TASP1: variants seen among roughly 807,000 people sequenced by gnomAD.
The protein encoded by TASP1 is taspase 1.
Under a neutral mutation model 56.6 loss-of-function variants are expected in TASP1, and 16 were observed. That is an observed-to-expected ratio of 0.28 (90% confidence interval 0.19 to 0.43). The LOEUF is 0.43. TASP1 is among the 20% of genes least tolerant of loss of function. The pLI is 1.00. For synonymous variants in TASP1, 179 were observed against 184.2 expected (o/e 0.97, Z 0.23); for missense variants, 393 against 511.6 (o/e 0.77, Z 2.24).
chr20:13,299,154 A>G, the TASP1 span: 5 of 1,610,958 alleles, frequency 3.1e-6, no homozygotes, highest in Non-Finnish European at 4.2e-6. This position sits in a 1 kb window ranked among gnomAD's most constrained non-coding sequence, Gnocchi z 5.8. Context: ...CTACAAGCCC[A>G]CTGCCCGGTA....
chr20:13,203,471 T>A, the TASP1 span, among the ~76,000 whole-genome samples: 1 of 152,234 alleles, frequency 6.6e-6, no homozygotes, highest in Non-Finnish European at 1.5e-5. Context: ...AGGATCTTGT[T>A]CAGATTTTAA....
chr20:13,627,363 C>A (rs60857691), intron 2 of TASP1, among the ~76,000 whole-genome samples: 21,571 of 152,238 alleles, frequency 0.14, 1,934 homozygotes, highest in South Asian at 0.34. Context: ...TTAATTCACA[C>A]AATATCCTAT....
the TASP1 span, among the ~76,000 whole-genome samples, chr20:13,365,032 C>T: frequency 1.3e-5 from 2 of 152,026 alleles, no homozygotes; most frequent in Admixed American, 6.5e-5. Context: ...ATCAATTTAA[C>T]TTGAATAAAT....
At chr20:13,306,389 A>C in the TASP1 span, among the ~76,000 whole-genome samples, 1 of 152,096 alleles carries the variant, frequency 6.6e-6, no homozygotes, top group Non-Finnish European at 1.5e-5. Flanking sequence ...AGGGAATGTT[A>C]GCAAATTTTA....
At chr20:13,465,939 A>T (rs1219920721) in intron 11 of TASP1, among the ~76,000 whole-genome samples, 1 of 152,202 alleles carries the variant, frequency 6.6e-6, no homozygotes, top group East Asian at 1.9e-4. Context: ...TGGTGAATAC[A>T]TGAACTCACA....
At chr20:13,367,109 G>T in the TASP1 span, among the ~76,000 whole-genome samples, 3 of 152,096 alleles carry the variant, frequency 2.0e-5, no homozygotes, top group Admixed American at 1.3e-4. Context: ...CAATAAACTG[G>T]ACAGCCTATA....
In TASP1 at chr20:13,534,126, T is replaced by C. The variant is rs946788478; in HGVS notation, c.691A>G (p.Thr231Ala). 1.2e-6 allele frequency: 2 copies of C among 1,613,352 alleles called. No individual in the cohort carries two copies. Among genetic ancestry groups the C allele is most frequent in the Admixed American group, 3.3e-5 (2 of 59,920 alleles). ...ACCACAGCGCCTACCGTGTCCAAAGTGCCTGAGTCATTTTCCTGCAGAGCA... is the reference window on the plus strand; with the variant it reads ...ACCACAGCGCCTACCGTGTCCAAAGCGCCTGAGTCATTTTCCTGCAGAGCA... ...QSSEKENDSGTLDTVGAVVVD... is the reference protein window; with the variant it reads ...QSSEKENDSGALDTVGAVVVD... The change falls in exon 9 of 14, where the codon ACT (threonine) becomes GCT (alanine). Residue 231 changes from threonine (T) to alanine (A), a missense_variant. Around this residue, in one of 3 missense-constraint regions of TASP1, gnomAD observed 293 missense variants for 354.2 expected, o/e 0.83. Transcript: ENST00000337743.
chr20:13,414,836 A>G (rs1284051714), intron 13 of TASP1, among the ~76,000 whole-genome samples: 2 of 152,152 alleles, frequency 1.3e-5, no homozygotes, highest in African/African-American at 4.8e-5. Flanking sequence ...AAAGACTTGT[A>G]AAAGAACCTA....
At chr20:13,479,144 G>A (rs1763138459) in intron 11 of TASP1, among the ~76,000 whole-genome samples, 1 of 152,068 alleles carries the variant, frequency 6.6e-6, no homozygotes, top group Admixed American at 6.6e-5. Flanking sequence ...GTTAGCAGTG[G>A]TTCTTTCTGG....
chr20:13,493,513 G>A (rs1189601301), intron 10 of TASP1, among the ~76,000 whole-genome samples: 2 of 152,144 alleles, frequency 1.3e-5, no homozygotes, highest in African/African-American at 2.4e-5. Context: ...TCATACTTCA[G>A]GTTCTTCAGC....
the TASP1 span, among the ~76,000 whole-genome samples, chr20:13,143,615 G>T: frequency 6.6e-6 from 1 of 152,122 alleles, no homozygotes; most frequent in African/African-American, 2.4e-5. Context: ...AAAGTCTGGG[G>T]GGCTTCCCCA....
chr20:13,300,347 C>T, the TASP1 span: 1 of 152,058 alleles, frequency 6.6e-6, no homozygotes, highest in Non-Finnish European at 1.5e-5. Flanking sequence ...GACCGCATTT[C>T]ACCTATTTTA....
chr20:13,144,923 C>T, the TASP1 span, among the ~76,000 whole-genome samples: 38 of 152,052 alleles, frequency 2.5e-4, no homozygotes, highest in Admixed American at 2.2e-3. Context: ...TACAGGCACC[C>T]GCCACCACGC....
the TASP1 span, among the ~76,000 whole-genome samples, chr20:13,278,721 T>C: frequency 2.4e-3 from 371 of 152,320 alleles, 1 homozygote; most frequent in Non-Finnish European, 3.6e-3. Flanking sequence ...GGGTCAGGAA[T>C]TTGACTGGGA....
intron 11 of TASP1, among the ~76,000 whole-genome samples, chr20:13,460,417 G>A (rs189547921): frequency 2.0e-5 from 3 of 152,036 alleles, no homozygotes; most frequent in Admixed American, 6.6e-5. Context: ...TATCTGCATC[G>A]ATTTTCCTGA....
intron 11 of TASP1, among the ~76,000 whole-genome samples, chr20:13,436,667 C>T (rs2043016579): frequency 1.3e-5 from 2 of 152,068 alleles, no homozygotes; most frequent in African/African-American, 4.8e-5. Flanking sequence ...AGTCTTTATG[C>T]TAAACAGTGA....
chr20:13,374,735 T>G, the TASP1 span, among the ~76,000 whole-genome samples: 2 of 152,206 alleles, frequency 1.3e-5, no homozygotes, highest in African/African-American at 4.8e-5. Context: ...TTTCTGGGTC[T>G]TGTTTTTGTT....
intron 1 of TASP1, among the ~76,000 whole-genome samples, chr20:13,637,447 T>C (rs1331076848): frequency 6.6e-6 from 1 of 152,226 alleles, no homozygotes; most frequent in Non-Finnish European, 1.5e-5. Context: ...CAGATGTTTA[T>C]AGCAGAATTA....
chr20:13,491,025 T>A (rs2043508407), intron 10 of TASP1, among the ~76,000 whole-genome samples: 1 of 152,194 alleles, frequency 6.6e-6, no homozygotes, highest in Non-Finnish European at 1.5e-5. Flanking sequence ...ATTAAAGTGA[T>A]TCTCAGCTAG....
Sources: gnomAD v4.1 joint callset for allele counts (sites outside exome capture counted in the v4.1 genomes callset) on GRCh38, gnomAD v4.1.1 for gene constraint, gnomAD v4.1.1 regional missense constraint, Gnocchi (gnomAD v3.1) non-coding constraint, MANE v1.5 for transcripts, NCBI Gene and HGNC (gene_info 2026-07-23, HGNC 2026-07-21) for gene names.